ANKRD13A: variants seen among roughly 807,000 people sequenced by gnomAD.
ANKRD13A encodes ankyrin repeat domain 13A.
In ANKRD13A, 48 loss-of-function variants were observed where a neutral mutation model predicts 81.3. The ratio of observed to expected loss-of-function variants is 0.59; its 90% CI spans 0.47 to 0.75. The LOEUF is 0.75. Ranked by LOEUF, ANKRD13A falls within the 30% of genes least tolerant of loss-of-function variation. The pLI is 0.00. For synonymous variants in ANKRD13A, 230 were observed against 270.1 expected (o/e 0.85, Z 1.45); for missense variants, 612 against 734.0 (o/e 0.83, Z 1.92).
At position 110,036,459 on chromosome 12, in the gene ANKRD13A, G is replaced by GA. The variant is rs1370606680; in HGVS notation, c.1577+136dup. 2.0e-6 allele frequency: 2 copies of GA among 1,000,142 alleles called. No individual in the cohort carries two copies. Among genetic ancestry groups the GA allele is most frequent in the Non-Finnish European group, 3.1e-6 (2 of 636,112 alleles). The allele number at this position is 1,000,142 out of a possible 1,614,324, so 62.0% of individuals were successfully genotyped here. On this transcript the variant is annotated intron_variant, in intron 14 of 14. Transcript: ENST00000261739. This position sits in a 1 kb window ranked among gnomAD's most constrained non-coding sequence, Gnocchi z 4.6. The stretch of plus-strand genomic sequence containing the variant: ...TGCCACAAACTGGCAGGAAAGACTA[G>GA]AAAAAGTAGGCCAGGAGCGGTGGCT...
chr12:110,018,512 T>C lies in ANKRD13A; in HGVS notation c.544+24T>C. Reference sequence around the variant, plus strand: ...AGGTGAGTGACTTCTCTTGTAGTAATCACTGCTCAAGCAAAATTACAGGGT... The same window carrying C: ...AGGTGAGTGACTTCTCTTGTAGTAACCACTGCTCAAGCAAAATTACAGGGT... On this transcript the variant is annotated intron_variant, in intron 5 of 14. Coordinates refer to ENST00000261739, the MANE Select transcript of ANKRD13A (RefSeq NM_033121.2). This position sits in a 1 kb window ranked among gnomAD's most constrained non-coding sequence, Gnocchi z 4.4. The C allele has an allele frequency of 6.2e-7, 1 of 1,606,140 alleles. No homozygotes were observed. Among genetic ancestry groups the C allele is most frequent in the Admixed American group, 1.7e-5 (1 of 59,304 alleles).
At chr12:110,037,294 A>T in intron 14 of ANKRD13A, 65 bp from the exon 15 acceptor site, 1 of 1,481,182 alleles carries the variant, frequency 6.8e-7, no homozygotes, top group Non-Finnish European at 9.3e-7. Flanking sequence ...TAAGAAATGT[A>T]GTTACTGCTG....
intron 1 of ANKRD13A, among the ~76,000 whole-genome samples, chr12:110,010,441 T>A (rs548246081): frequency 1.1e-4 from 16 of 152,364 alleles, no homozygotes; most frequent in Non-Finnish European, 1.6e-4. Context: ...CATCGTCTTG[T>A]TACTTTTAAA....
Position 110,012,020 on chromosome 12 carries a change from G to C in ANKRD13A, c.112G>C (p.Asp38His), listed in dbSNP as rs1324692733. ...ELQGQNVEAV[D>H]PRGRTLLHLA... ...TCCTTCACAGAATGTGGAGGCTGTGGACCCACGAGGTCGAACATTATTGCA... is the reference window on the plus strand; with the variant it reads ...TCCTTCACAGAATGTGGAGGCTGTGCACCCACGAGGTCGAACATTATTGCA... Residue 38 changes from aspartate to histidine, a missense_variant, in exon 2 of 15, where the codon GAC becomes CAC. Asp to His is a moderately conservative substitution (Grantham distance 81, BLOSUM62 -1). Transcript: ENST00000261739. The C allele has an allele frequency of 6.2e-7, 1 of 1,607,916 alleles. No individual in the cohort carries two copies. The highest frequency in any genetic ancestry group is 8.5e-7 in the Non-Finnish European group (1 of 1,174,944).
chr12:110,011,986 G>A lies in ANKRD13A; in HGVS notation c.97-19G>A, dbSNP rs374520150. 6.3e-6 allele frequency: 10 copies of A among 1,579,672 alleles called. No homozygotes were observed. The highest frequency in any genetic ancestry group is 6.1e-6 in the Non-Finnish European group (7 of 1,153,198). ...ATGTAATACATCCAATTATGTAAAT[G>A]CCAGTGTTTCCTTCACAGAATGTGG... On this transcript the variant is annotated intron_variant, in intron 1 of 14. Coordinates refer to ENST00000261739, the MANE Select transcript of ANKRD13A (RefSeq NM_033121.2).
intron 1 of ANKRD13A, among the ~76,000 whole-genome samples, chr12:110,010,100 C>G (rs1566048031): frequency 6.6e-6 from 1 of 152,208 alleles, no homozygotes; most frequent in African/African-American, 2.4e-5. Context: ...CTCCTGACCT[C>G]AGGTGATCCA....
At chr12:110,031,664 C>T (rs563911427) in intron 12 of ANKRD13A, among the ~76,000 whole-genome samples, 1 of 152,250 alleles carries the variant, frequency 6.6e-6, no homozygotes, top group East Asian at 1.9e-4. Context: ...ATGTATGCAT[C>T]TGTGTAACCA....
intron 1 of ANKRD13A, among the ~76,000 whole-genome samples, chr12:110,004,550 G>C (rs1164769349): frequency 6.6e-6 from 1 of 152,126 alleles, no homozygotes; most frequent in Non-Finnish European, 1.5e-5. Flanking sequence ...GGGAGGCAGA[G>C]GTTGCAGTGA....
chr12:110,028,151 A>C, intron 9 of ANKRD13A: 1 of 305,518 alleles, frequency 3.3e-6, no homozygotes, highest in Non-Finnish European at 6.1e-6. Context: ...CCTGCGGGTC[A>C]GAAAAATGAA....
chr12:110,029,289 A>T, intron 10 of ANKRD13A, 189 bp from the exon 11 acceptor site: 1 of 526,258 alleles, frequency 1.9e-6, no homozygotes, highest in Non-Finnish European at 3.2e-6. Context: ...GCTTGCCTTT[A>T]TTGCCAGATT....
intron 1 of ANKRD13A, among the ~76,000 whole-genome samples, chr12:110,008,918 G>T (rs2137092457): frequency 6.6e-6 from 1 of 152,028 alleles, no homozygotes; most frequent in East Asian, 1.9e-4. Flanking sequence ...CATTTTTTTT[G>T]GTGGGCAGTT....
In ANKRD13A at chr12:110,038,036, C is replaced by A. The variant is rs924086589; in HGVS notation, c.*482C>A. Reference sequence around the variant, plus strand: ...AAAGAAATGGGTAATCTGTGCTGATCTCCTTATTTTTACCTTTTTACAGGG... The same window carrying A: ...AAAGAAATGGGTAATCTGTGCTGATATCCTTATTTTTACCTTTTTACAGGG... On this transcript the variant is annotated 3_prime_UTR_variant, in exon 15 of 15. Coordinates refer to ENST00000261739, the MANE Select transcript of ANKRD13A (RefSeq NM_033121.2). 3.9e-5 allele frequency: 6 copies of A among 152,930 alleles called. No homozygotes were observed. Among genetic ancestry groups the A allele is most frequent in the Non-Finnish European group, 8.8e-5 (6 of 68,546 alleles). The allele number at this position is 152,930 out of a possible 1,614,324, so 9.5% of individuals were successfully genotyped here.
In ANKRD13A at chr12:109,999,872, C is replaced by T. The variant is rs931434314; in HGVS notation, c.96+88C>T. 7.3e-6 allele frequency: 9 copies of T among 1,240,882 alleles called. No individual in the cohort carries two copies. The highest frequency in any genetic ancestry group is 1.6e-5 in the African/African-American group (1 of 64,404). 76.9% of individuals were successfully genotyped at this position (1,240,882 alleles called of 1,614,324 possible). A position where few individuals can be genotyped will look rare whatever the true frequency, so the allele number is the denominator to read the frequency against. On this transcript the variant is annotated intron_variant, in intron 1 of 14. Transcript: ENST00000261739. This position sits in a 1 kb window ranked among gnomAD's most constrained non-coding sequence, Gnocchi z 4.3. Reference sequence around the variant, plus strand: ...CCTCCCTGAGCCCATTTCCAGCCCTCTGTCCCCGGGATCCCCAGACCCCTT... The same window carrying T: ...CCTCCCTGAGCCCATTTCCAGCCCTTTGTCCCCGGGATCCCCAGACCCCTT...
chr12:110,011,238 T>C (rs1027014868), intron 1 of ANKRD13A, among the ~76,000 whole-genome samples: 1 of 152,222 alleles, frequency 6.6e-6, no homozygotes, highest in Non-Finnish European at 1.5e-5. Flanking sequence ...GAGAAATTGC[T>C]GCGTGGCTCT....
chr12:110,035,016 TGA>T (rs1415295350), intron 13 of ANKRD13A, among the ~76,000 whole-genome samples: 2 of 152,180 alleles, frequency 1.3e-5, no homozygotes, highest in African/African-American at 2.4e-5. Context: ...TTGTGTAATG[TGA>T]GTCTACCTCC....
At chr12:110,029,666 G>A (rs1233331249) in intron 11 of ANKRD13A, 31 bp downstream of exon 11, 1 of 1,604,288 alleles carries the variant, frequency 6.2e-7, no homozygotes, top group South Asian at 1.1e-5. Flanking sequence ...GCAACACTTG[G>A]AGGTTCTGCC....
At chr12:110,023,089 C>A (rs1891156396) in intron 6 of ANKRD13A, among the ~76,000 whole-genome samples, 1 of 152,172 alleles carries the variant, frequency 6.6e-6, no homozygotes. Flanking sequence ...GCTGCTGTTC[C>A]CTGAGCTTCC....
chr12:110,004,812 C>T (rs1890157763), intron 1 of ANKRD13A, among the ~76,000 whole-genome samples: 1 of 152,190 alleles, frequency 6.6e-6, no homozygotes, highest in African/African-American at 2.4e-5. Context: ...ACAGGTAACT[C>T]TTCTCAGCAC....
At chr12:110,016,716 G>A (rs981420633) in intron 4 of ANKRD13A, among the ~76,000 whole-genome samples, 3 of 151,772 alleles carry the variant, frequency 2.0e-5, no homozygotes, top group African/African-American at 7.3e-5. Context: ...GTCATTTATA[G>A]CCGACATCTA....
Sources: gnomAD v4.1 joint callset for allele counts (sites outside exome capture counted in the v4.1 genomes callset) on GRCh38, gnomAD v4.1.1 for gene constraint, Gnocchi (gnomAD v3.1) non-coding constraint, MANE v1.5 for transcripts, NCBI Gene and HGNC (gene_info 2026-07-23, HGNC 2026-07-21) for gene names.